The following RND3 variants were observed in gnomAD, a reference collection of about 807,000 sequenced individuals.
RND3 encodes the protein Rho family GTPase 3.
RND3 carries 8 observed loss-of-function variants against 26.5 expected under a neutral mutation model. The ratio of observed to expected loss-of-function variants is 0.30; its 90% CI spans 0.18 to 0.54. The LOEUF (loss-of-function observed/expected upper bound fraction) is 0.54. RND3 is among the 20% of genes least tolerant of loss of function. RND3 has a pLI of 0.94. For synonymous variants in RND3, 113 were observed against 113.0 expected (o/e 1.00, Z 0.00); for missense variants, 207 against 302.8 (o/e 0.68, Z 2.35).
chr2:150,480,327 C>T (rs1241990507), intron 3 of RND3, among the ~76,000 whole-genome samples: 4 of 152,146 alleles, frequency 2.6e-5, no homozygotes, highest in African/African-American at 9.7e-5. Flanking sequence ...CAAACTTCTG[C>T]GTCAACTACA....
chr2:150,484,034 A>T (rs1022139226), intron 3 of RND3, among the ~76,000 whole-genome samples: 1 of 152,208 alleles, frequency 6.6e-6, no homozygotes, highest in Non-Finnish European at 1.5e-5. Flanking sequence ...CTACAAATTC[A>T]TTTCAGATGA....
rs753396212 is a variant in RND3 at position 150,474,904 on chromosome 2, G to A, written c.319C>T (p.Pro107Ser). 3 of 1,611,912 alleles carry A rather than the reference G, an allele frequency of 1.9e-6. No homozygotes were observed. The Admixed American group carries it at 5.0e-5, about 27-fold the overall frequency. ...TTGAGGACACTGTCCAGGGTCTCTG[G>A]TCTACTGATGTCAAAGCAAATCAGC... ...AVLICFDISR[P>S]ETLDSVLKKW... is the part of the protein sequence containing the mutation. Residue 107 changes from proline (P) to serine (S), a missense_variant, in exon 4 of 6, where the codon CCA becomes TCA. Pro to Ser is a moderately conservative substitution (Grantham distance 74). Coordinates refer to ENST00000263895, the MANE Select transcript of RND3 (RefSeq NM_005168.5).
intron 4 of RND3, among the ~76,000 whole-genome samples, chr2:150,473,681 CTGTT>C (rs1179510448): frequency 6.6e-6 from 1 of 152,206 alleles, no homozygotes; most frequent in Non-Finnish European, 1.5e-5. Flanking sequence ...TTATTGAACT[CTGTT>C]TGTAATATTT....
Position 150,486,386 on chromosome 2 carries a change from C to T in RND3, c.238+308G>A, listed in dbSNP as rs1337655666. 6.6e-6 allele frequency among the ~76,000 whole-genome samples: 1 copy of T among 152,090 alleles called. No homozygotes were observed. Among genetic ancestry groups the T allele is most frequent in the African/African-American group, 2.4e-5 (1 of 41,422 alleles). On this transcript the variant is annotated intron_variant, in intron 3 of 5. Transcript: ENST00000263895. The surrounding 1 kb of genome is among the most constrained non-coding windows in gnomAD (Gnocchi z 4.5). ...CATGCAACACCCCACAGTATCGGGC[C>T]ACCTCGGCCGACCCAAGGCGACTTG...
At chr2:150,478,590 A>AAAAAAAAAAAAAAAT (rs1452948257) in intron 3 of RND3, among the ~76,000 whole-genome samples, 1 of 151,642 alleles carries the variant, frequency 6.6e-6, no homozygotes, top group African/African-American at 2.4e-5. Context: ...AAAAAAAAAA[A>AAAAAAAAAAAAAAAT]AAAAAAATTA....
chr2:150,482,571 T>C (rs535927232), intron 3 of RND3, among the ~76,000 whole-genome samples: 3 of 152,320 alleles, frequency 2.0e-5, no homozygotes, highest in South Asian at 4.1e-4. Flanking sequence ...GAAGAAGTTA[T>C]GGGCCTTAAA....
At position 150,479,510 on chromosome 2, in the gene RND3, C is replaced by T. The variant is rs905881692; in HGVS notation, c.239-4526G>A. Among the ~76,000 whole-genome samples the T allele has an allele frequency of 1.2e-4, 18 of 151,894 alleles. 2 individuals carry two copies. Among genetic ancestry groups the T allele is most frequent in the Admixed American group, 1.2e-3 (18 of 15,230 alleles). The stretch of plus-strand genomic sequence containing the variant: ...CCTTCATCTGAAAAGCTTCCCTTTC[C>T]CCCTTAAGAAATTTTTACCAAGAAG... On this transcript the variant is annotated intron_variant, in intron 3 of 5. Transcript: ENST00000263895.
chr2:150,487,161 T>TG, intron 2 of RND3, 107 bp downstream of exon 2: 3 of 381,836 alleles, frequency 7.9e-6, no homozygotes, highest in Non-Finnish European at 1.2e-5. Context: ...TTTTTTTTTC[T>TG]TTTTTTTTTT....
chr2:150,473,698 T>C (rs1045660856), intron 4 of RND3, among the ~76,000 whole-genome samples: 29 of 152,186 alleles, frequency 1.9e-4, no homozygotes, highest in Non-Finnish European at 3.4e-4. Flanking sequence ...TAATATTTAG[T>C]AGAGACAGAA....
intron 3 of RND3, among the ~76,000 whole-genome samples, chr2:150,484,804 A>AG (rs145726869): frequency 2.1e-3 from 324 of 152,310 alleles, no homozygotes; most frequent in African/African-American, 7.5e-3. Flanking sequence ...GGTAACCAGG[A>AG]GCTAAGATCT....
chr2:150,471,880 G>T, intron 4 of RND3, 119 bp from the exon 5 acceptor site: 1 of 848,642 alleles, frequency 1.2e-6, no homozygotes. Context: ...TAAAAATGGA[G>T]TGTCCCTTGA....
rs757158401 is a variant in RND3 at position 150,470,162 on chromosome 2, C to T, written c.560G>A (p.Arg187Lys). Residue 187 changes from arginine (R) to lysine (K), a missense_variant, in exon 6 of 6, where the codon AGA becomes AAA. Arg to Lys is a conservative substitution (Grantham distance 26). Transcript: ENST00000263895. ...CSALQSENSV[R>K]DIFHVATLAC... ...CAAGGTGGCAACGTGAAAAATGTCT[C>T]TGACGCTATTTTCCGACTGTAAAGC... The T allele has an allele frequency of 1.2e-6, 2 of 1,613,994 alleles. No homozygotes were observed. The highest frequency in any genetic ancestry group is 1.7e-5 in the Admixed American group (1 of 59,980).
Position 150,470,170 on chromosome 2 carries a change from A to G in RND3, c.552T>C (p.Asn184=), listed in dbSNP as rs111889908. 5.1e-4 allele frequency: 822 copies of G among 1,613,866 alleles called. 5 individuals are homozygous for G. The African/African-American group carries it at 9.7e-3, about 19-fold the overall frequency. The part of the protein sequence containing the change: ...YIECSALQSE[N]SVRDIFHVAT... Reference sequence around the variant, plus strand: ...CAACGTGAAAAATGTCTCTGACGCTATTTTCCGACTGTAAAGCTGAGCATT... The same window carrying G: ...CAACGTGAAAAATGTCTCTGACGCTGTTTTCCGACTGTAAAGCTGAGCATT... Residue 184 remains asparagine (N), a synonymous_variant, in exon 6 of 6, where the codon AAT becomes AAC. Transcript: ENST00000263895.
chr2:150,477,155 T>A (rs1272115647), intron 3 of RND3, among the ~76,000 whole-genome samples: 1 of 152,110 alleles, frequency 6.6e-6, no homozygotes, highest in Non-Finnish European at 1.5e-5. Flanking sequence ...CTAACGAGGC[T>A]TCAGAGATCT....
At chr2:150,471,816 CA>C in intron 4 of RND3, 55 bp from the exon 5 acceptor site, 1 of 1,416,742 alleles carries the variant, frequency 7.1e-7, no homozygotes, top group Non-Finnish European at 9.8e-7. Flanking sequence ...GTATCCATAT[CA>C]TGAAAACCAT....
intron 5 of RND3, among the ~76,000 whole-genome samples, chr2:150,471,250 G>C (rs1338044737): frequency 6.6e-6 from 1 of 152,176 alleles, no homozygotes; most frequent in East Asian, 1.9e-4. Context: ...AATGCTTACA[G>C]AAATGAAGAC....
At chr2:150,474,621 A>ATT (rs996918272) in intron 4 of RND3, among the ~76,000 whole-genome samples, 1 of 152,128 alleles carries the variant, frequency 6.6e-6, no homozygotes, top group Non-Finnish European at 1.5e-5. Context: ...TAGCTGTACC[A>ATT]TTTTTCTCCC....
intron 2 of RND3, 108 bp downstream of exon 2, chr2:150,487,160 C>CTT (rs1411913210): frequency 1.7e-3 from 808 of 486,910 alleles, no homozygotes; most frequent in South Asian, 3.4e-3. Context: ...TTTTTTTTTT[C>CTT]TTTTTTTTTT....
Position 150,477,294 on chromosome 2 carries a change from G to A in RND3, c.239-2310C>T, listed in dbSNP as rs1257270788. ...ACCAGCTCCTTTCAGGATACGATTTGTATGATGTTAGAGTACTCACTGCTA... is the reference window on the plus strand; with the variant it reads ...ACCAGCTCCTTTCAGGATACGATTTATATGATGTTAGAGTACTCACTGCTA... On this transcript the variant is annotated intron_variant, in intron 3 of 5. Transcript: ENST00000263895. 3.9e-5 allele frequency among the ~76,000 whole-genome samples: 6 copies of A among 152,120 alleles called. No individual in the cohort carries two copies. In the South Asian group the frequency reaches 1.0e-3, roughly 26 times the overall value.
Sources: gnomAD v4.1 joint callset for allele counts (sites outside exome capture counted in the v4.1 genomes callset) on GRCh38, gnomAD v4.1.1 for gene constraint, Gnocchi (gnomAD v3.1) non-coding constraint, MANE v1.5 for transcripts, NCBI Gene and HGNC (gene_info 2026-07-23, HGNC 2026-07-21) for gene names.